The following AANAT variants were observed in gnomAD, a reference collection of about 807,000 sequenced individuals.
The protein encoded by AANAT is serotonin N-acetyltransferase.
In AANAT, 11 loss-of-function variants were observed where a neutral mutation model predicts 15.6. The observed-to-expected ratio is 0.71, with a 90% confidence interval of 0.44 to 1.17. AANAT has a LOEUF of 1.17. Among genes scored for constraint, AANAT ranks in the 50% most tolerant of loss-of-function variants. The pLI is 0.00. For missense variants in AANAT, 286 were observed against 296.3 expected, an observed-to-expected ratio of 0.97 and a Z score of 0.26; for synonymous variants, 139 against 131.5, an observed-to-expected ratio of 1.06 and a Z score of -0.39.
At chr17:76,460,299 A>C (rs2073376647) in intron 2 of AANAT, among the ~76,000 whole-genome samples, 1 of 151,384 alleles carries the variant, frequency 6.6e-6, no homozygotes, top group African/African-American at 2.4e-5. Context: ...CAAATGCCCC[A>C]CCACCACACC....
upstream of AANAT, among the ~76,000 whole-genome samples, chr17:76,464,456 T>C (rs1210996747): frequency 6.6e-6 from 1 of 152,070 alleles, no homozygotes; most frequent in Non-Finnish European, 1.5e-5. Context: ...CATCTGGCAT[T>C]TGAAATGTGT....
chr17:76,469,738 G>A lies in AANAT; in HGVS notation c.392G>A (p.Arg131Gln), dbSNP rs747872748. Residue 131 changes from arginine to glutamine, a missense_variant, in exon 4 of 4, where the codon CGG becomes CAG. Coordinates refer to ENST00000392492, the MANE Select transcript of AANAT (RefSeq NM_001088.3). The surrounding 1 kb of genome is among the most constrained non-coding windows in gnomAD (Gnocchi z 5.2). Reference sequence around the variant, plus strand: ...GTGCTGGCCGTGCACCGCGCCTTCCGGCAGCAGGGCAGGGGCCCCATCCTG... The same window carrying A: ...GTGCTGGCCGTGCACCGCGCCTTCCAGCAGCAGGGCAGGGGCCCCATCCTG... ...LHVLAVHRAFRQQGRGPILLW... is the reference protein window; with the variant it reads ...LHVLAVHRAFQQQGRGPILLW... 40 of 1,557,540 alleles carry A rather than the reference G, an allele frequency of 2.6e-5. No homozygotes were observed. In the African/African-American group the frequency reaches 3.0e-4, roughly 12 times the overall value.
At chr17:76,461,150 G>A (rs1217492039) in intron 2 of AANAT, among the ~76,000 whole-genome samples, 2 of 151,770 alleles carry the variant, frequency 1.3e-5, no homozygotes, top group African/African-American at 4.8e-5. Flanking sequence ...GGGCGACAGA[G>A]TGAGATTCCA....
chr17:76,459,363 A>G (rs1189297353), exon 2 of AANAT: 1 of 152,266 alleles, frequency 6.6e-6, no homozygotes, highest in Non-Finnish European at 1.5e-5. Context: ...GTGACCAGCC[A>G]TAGGTACAAA....
At position 76,469,086 on chromosome 17, in the gene AANAT, G is replaced by A. The variant is rs1396067534; in HGVS notation, c.164-87G>A. ...ACCCCCATTTTCCTGTGGGGAACGG[G>A]GCATCTGAGTGGACACTCGGGGTGC... On this transcript the variant is annotated intron_variant, in intron 2 of 3. Coordinates refer to ENST00000392492, the MANE Select transcript of AANAT (RefSeq NM_001088.3). The surrounding 1 kb of genome is among the most constrained non-coding windows in gnomAD (Gnocchi z 5.2). The A allele has an allele frequency of 6.4e-7, 1 of 1,573,054 alleles. No homozygotes were observed. Among genetic ancestry groups the A allele is most frequent in the Non-Finnish European group, 8.7e-7 (1 of 1,152,616 alleles).
chr17:76,465,935 G>A (rs906070384), upstream of AANAT: 3 of 515,354 alleles, frequency 5.8e-6, no homozygotes, highest in African/African-American at 3.9e-5. Context: ...CTACAGCCTC[G>A]ACCTCTCCGG....
chr17:76,464,192 A>G (rs879395152), upstream of AANAT, among the ~76,000 whole-genome samples: 3 of 152,164 alleles, frequency 2.0e-5, no homozygotes, highest in Non-Finnish European at 4.4e-5. Context: ...AATAAAAAAA[A>G]TTAGCCAGGC....
chr17:76,460,951 G>A (rs953760256), intron 2 of AANAT, among the ~76,000 whole-genome samples: 1 of 152,032 alleles, frequency 6.6e-6, no homozygotes, highest in Non-Finnish European at 1.5e-5. Context: ...GATTGTTTGA[G>A]GTCAGGAGTT....
At position 76,468,838 on chromosome 17, in the gene AANAT, C is replaced by G; in HGVS notation, c.92C>G (p.Thr31Arg). ...PESPSCQRRH[T>R]LPASEFRCLT... The stretch of plus-strand genomic sequence containing the variant: ...TCCCCGAGCTGTCAGCGGCGCCACA[C>G]ACTCCCTGCCAGTGAGTTTCGCTGC... The change falls in exon 2 of 4, where the codon ACA becomes AGA. Residue 31 changes from threonine to arginine, a missense_variant. Physicochemically the swap from Thr to Arg is moderately conservative, Grantham distance 71. Coordinates refer to ENST00000392492, the MANE Select transcript of AANAT (RefSeq NM_001088.3). The G allele has an allele frequency of 6.2e-7, 1 of 1,613,604 alleles. No homozygotes were observed. The highest frequency in any genetic ancestry group is 8.5e-7 in the Non-Finnish European group (1 of 1,180,024).
chr17:76,463,061 C>G (rs1003017332), upstream of AANAT, among the ~76,000 whole-genome samples: 5 of 152,190 alleles, frequency 3.3e-5, no homozygotes. Flanking sequence ...TCCAGGGCTT[C>G]TGCACTGGGC....
At chr17:76,463,780 C>G (rs1479256318), upstream of AANAT, among the ~76,000 whole-genome samples, 2 of 152,136 alleles carry the variant, frequency 1.3e-5, no homozygotes, top group African/African-American at 4.8e-5. Flanking sequence ...AACTCCTTTC[C>G]CTGCTAACAG....
At chr17:76,460,888 G>T (rs1216105430) in intron 2 of AANAT, among the ~76,000 whole-genome samples, 1 of 152,158 alleles carries the variant, frequency 6.6e-6, no homozygotes, top group African/African-American at 2.4e-5. Context: ...CTCTGGGCCG[G>T]GCGTGGTGGC....
At chr17:76,458,094 C>T (rs958017098) in intron 1 of AANAT, among the ~76,000 whole-genome samples, 8 of 152,176 alleles carry the variant, frequency 5.3e-5, no homozygotes, top group African/African-American at 1.9e-4. Flanking sequence ...AGAACCTGTA[C>T]CTCCATTCTG....
At chr17:76,467,876 G>A (rs1477318636) in intron 1 of AANAT, 149 bp downstream of exon 1, 6 of 378,334 alleles carry the variant, frequency 1.6e-5, no homozygotes, top group Admixed American at 6.4e-5. Context: ...TCTAAGAACT[G>A]CAAATCTGCA....
At chr17:76,464,102 A>G (rs541344838), upstream of AANAT, among the ~76,000 whole-genome samples, 55 of 152,150 alleles carry the variant, frequency 3.6e-4, no homozygotes, top group Non-Finnish European at 7.1e-4. Flanking sequence ...ACACTTTAGG[A>G]GGCTGAGGCA....
chr17:76,462,004 C>T (rs978843820), intron 2 of AANAT, among the ~76,000 whole-genome samples: 5 of 152,164 alleles, frequency 3.3e-5, no homozygotes, highest in Non-Finnish European at 5.9e-5. Flanking sequence ...AGGTTAGTGC[C>T]CCTCCTTCCT....
At chr17:76,460,933 G>T (rs968891299) in intron 2 of AANAT, among the ~76,000 whole-genome samples, 1 of 152,124 alleles carries the variant, frequency 6.6e-6, no homozygotes, top group Non-Finnish European at 1.5e-5. Context: ...GGGAGGCTGA[G>T]GGGGGCAGAT....
rs1487835575 is a variant in AANAT, at chr17:76,468,919, C to A, written c.163+10C>A. Reference sequence around the variant, plus strand: ...GAGATCGAGCGTGAAGGTGAGTGGCCCCGCACAGGGTCAGAGGGATGCTCC... The same window carrying A: ...GAGATCGAGCGTGAAGGTGAGTGGCACCGCACAGGGTCAGAGGGATGCTCC... On this transcript the variant is annotated intron_variant, in intron 2 of 3. Transcript: ENST00000392492. The A allele has an allele frequency of 6.2e-7, 1 of 1,611,194 alleles. No homozygotes were observed. Among genetic ancestry groups the A allele is most frequent in the Non-Finnish European group, 8.5e-7 (1 of 1,178,582 alleles).
intron 1 of AANAT, 46 bp downstream of exon 1, chr17:76,467,773 G>T: frequency 1.0e-6 from 1 of 967,628 alleles, no homozygotes; most frequent in South Asian, 4.8e-5. Context: ...AGGAACAGGA[G>T]CTTCTCTACT....
Sources: gnomAD v4.1 joint callset for allele counts (sites outside exome capture counted in the v4.1 genomes callset) on GRCh38, gnomAD v4.1.1 for gene constraint, Gnocchi (gnomAD v3.1) non-coding constraint, MANE v1.5 for transcripts, NCBI Gene and HGNC (gene_info 2026-07-23, HGNC 2026-07-21) for gene names.